Variants in FAM227B observed in about 807,000 individuals in gnomAD.
The protein encoded by FAM227B is family with sequence similarity 227 member B, also known as protein FAM227B.
FAM227B carries 88 observed loss-of-function variants against 73.8 expected under a neutral mutation model. The ratio of observed to expected loss-of-function variants is 1.19; its 90% confidence interval spans 1.00 to 1.42. FAM227B has a LOEUF of 1.42. FAM227B is among the 40% of genes most tolerant of loss of function. The pLI is 0.00. For synonymous variants in FAM227B, 210 were observed against 190.5 expected, an observed-to-expected ratio of 1.10 and a Z score of -0.84; for missense variants, 632 against 590.9, an observed-to-expected ratio of 1.07 and a Z score of -0.72.
At chr15:49,525,718 A>C (rs1176546180) in intron 10 of FAM227B, among the ~76,000 whole-genome samples, 52 of 92,368 alleles carry the variant, frequency 5.6e-4, no homozygotes, top group African/African-American at 1.9e-3. Context: ...ATATATATAT[A>C]TCACAAACAG....
intron 10 of FAM227B, among the ~76,000 whole-genome samples, chr15:49,519,201 T>C (rs1296022915): frequency 6.6e-6 from 1 of 152,196 alleles, no homozygotes; most frequent in Non-Finnish European, 1.5e-5. Flanking sequence ...TCCACCCCTG[T>C]GGCTTTGCAG....
intron 11 of FAM227B, among the ~76,000 whole-genome samples, chr15:49,448,636 G>A (rs1363854651): frequency 1.3e-5 from 2 of 150,128 alleles, no homozygotes; most frequent in Non-Finnish European, 3.0e-5. Context: ...ATTCTTTGAT[G>A]AGCATATACT....
At position 49,445,571 on chromosome 15, in the gene FAM227B, C is replaced by T. The variant is rs542992499; in HGVS notation, c.1012+62640G>A. Among the ~76,000 whole-genome samples, 9 of 151,516 alleles carry T rather than the reference C, an allele frequency of 5.9e-5. No individual in the cohort carries two copies. In the East Asian group the frequency reaches 7.8e-4, roughly 13 times the overall value. ...TTGGTTCAGATAAATGTCTAGATCACGGACATACTAATTACCCTGCTCTGA... is the reference window on the plus strand; with the variant it reads ...TTGGTTCAGATAAATGTCTAGATCATGGACATACTAATTACCCTGCTCTGA... On this transcript the variant is annotated intron_variant, in intron 11 of 15. Coordinates refer to ENST00000299338, the MANE Select transcript of FAM227B (RefSeq NM_152647.3).
At chr15:49,360,240 GAA>G (rs34095368) in intron 13 of FAM227B, among the ~76,000 whole-genome samples, 2,763 of 147,458 alleles carry the variant, frequency 0.019, 100 homozygotes, top group African/African-American at 0.063. Context: ...ATAGTATAAG[GAA>G]AAAAAAAAAA....
chr15:49,525,665 AATATATATATATAT>A (rs57123974), intron 10 of FAM227B, among the ~76,000 whole-genome samples: 986 of 81,216 alleles, frequency 0.012, 17 homozygotes, highest in Admixed American at 0.021. Context: ...AGGGTGGAGA[AATATATATATATAT>A]ATATATATAT....
At chr15:49,549,877 C>G (rs537192135) in intron 9 of FAM227B, among the ~76,000 whole-genome samples, 3 of 151,950 alleles carry the variant, frequency 2.0e-5, no homozygotes, top group Non-Finnish European at 2.9e-5. Flanking sequence ...AGGGGCTCCT[C>G]ACTTCCCAGA....
At chr15:49,608,927 T>C (rs2077701750) in intron 3 of FAM227B, among the ~76,000 whole-genome samples, 1 of 152,010 alleles carries the variant, frequency 6.6e-6, no homozygotes, top group Non-Finnish European at 1.5e-5. Context: ...CAACACTTTG[T>C]ACTTGAAGAA....
intron 11 of FAM227B, among the ~76,000 whole-genome samples, chr15:49,454,418 A>G (rs1336452987): frequency 6.6e-6 from 1 of 152,158 alleles, no homozygotes; most frequent in Non-Finnish European, 1.5e-5. Flanking sequence ...AAGAGCCAAT[A>G]TTTATTGAGT....
intron 11 of FAM227B, among the ~76,000 whole-genome samples, chr15:49,411,581 T>C (rs775802020): frequency 1.6e-4 from 24 of 152,122 alleles, no homozygotes; most frequent in Non-Finnish European, 2.9e-4. Flanking sequence ...AAAGGATGAG[T>C]ACATATAAAA....
chr15:49,327,990 G>C lies in FAM227B; in HGVS notation c.*578C>G. 2 of 1,613,822 alleles carry C rather than the reference G, an allele frequency of 1.2e-6. No homozygotes were observed. The highest frequency in any genetic ancestry group is 2.2e-5 in the South Asian group (2 of 91,066). ...CAAGGGTCACGACTTACTGGAGCAGGATGGGGAGGCTGCACAGTATCAATG... is the reference window on the plus strand; with the variant it reads ...CAAGGGTCACGACTTACTGGAGCAGCATGGGGAGGCTGCACAGTATCAATG... On this transcript the variant is annotated 3_prime_UTR_variant, in exon 16 of 16. Coordinates refer to ENST00000299338, the MANE Select transcript of FAM227B (RefSeq NM_152647.3).
intron 8 of FAM227B, among the ~76,000 whole-genome samples, chr15:49,573,923 GT>G (rs1477902200): frequency 6.6e-6 from 1 of 152,084 alleles, no homozygotes; most frequent in Non-Finnish European, 1.5e-5. Context: ...GAAGTATTAA[GT>G]TTTTATTAAA....
intron 11 of FAM227B, among the ~76,000 whole-genome samples, chr15:49,494,545 G>A (rs908496338): frequency 6.6e-5 from 10 of 152,146 alleles, no homozygotes; most frequent in African/African-American, 2.4e-4. Flanking sequence ...TGTCCTCTTA[G>A]GATACTGCTT....
intron 13 of FAM227B, among the ~76,000 whole-genome samples, chr15:49,343,431 GTTTC>G (rs1194567931): frequency 6.6e-6 from 1 of 152,054 alleles, no homozygotes; most frequent in Non-Finnish European, 1.5e-5. Flanking sequence ...TGATTTAGGA[GTTTC>G]TTTGTGTTGA....
chr15:49,418,848 A>T (rs193092541), intron 11 of FAM227B, among the ~76,000 whole-genome samples: 2 of 152,278 alleles, frequency 1.3e-5, no homozygotes, highest in Admixed American at 1.3e-4. Context: ...ATAACATATA[A>T]ATTTATATTT....
At chr15:49,580,669 C>A (rs2075754146) in intron 5 of FAM227B, among the ~76,000 whole-genome samples, 1 of 152,084 alleles carries the variant, frequency 6.6e-6, no homozygotes, top group Non-Finnish European at 1.5e-5. Context: ...GAATTCAGAA[C>A]ATGGATAGAA....
intron 9 of FAM227B, among the ~76,000 whole-genome samples, chr15:49,542,520 A>G (rs1190316457): frequency 6.7e-6 from 1 of 149,974 alleles, no homozygotes; most frequent in Non-Finnish European, 1.5e-5. Context: ...CTGAGTCCCT[A>G]AAGTCCACTA....
chr15:49,520,914 A>G (rs182881697), intron 10 of FAM227B, among the ~76,000 whole-genome samples: 4 of 152,150 alleles, frequency 2.6e-5, no homozygotes. Flanking sequence ...TCCCAGTGAA[A>G]GGATAGGTGG....
rs35994302 is a variant in FAM227B, at chr15:49,489,883, T to TAGAGAGAG, written c.1012+18320_1012+18327dup. Among the ~76,000 whole-genome samples the TAGAGAGAG allele has an allele frequency of 2.2e-4, 5 of 22,948 alleles. 1 individual carries two copies. The highest frequency in any genetic ancestry group is 1.8e-3 in the South Asian group (1 of 544). The allele number at this position is 22,948 out of a possible 152,430, so 15.1% of individuals were successfully genotyped here. ...TTTTATATATATATATATATATATA[T>TAGAGAGAG]AGAGAGAGAGAGAGAGAGAGAGAGA... On this transcript the variant is annotated intron_variant, in intron 11 of 15. Coordinates refer to ENST00000299338, the MANE Select transcript of FAM227B (RefSeq NM_152647.3).
chr15:49,539,715 T>G (rs2070789056), intron 10 of FAM227B, among the ~76,000 whole-genome samples: 1 of 152,212 alleles, frequency 6.6e-6, no homozygotes, highest in South Asian at 2.1e-4. Context: ...CATGGGCATG[T>G]GCAAATTTAC....
Sources: allele counts gnomAD v4.1 joint callset (sites outside exome capture counted in the v4.1 genomes callset), GRCh38; gene constraint gnomAD v4.1.1; transcripts MANE v1.5; gene names NCBI Gene and HGNC (gene_info 2026-07-23, HGNC 2026-07-21).